KIF26B: variants seen among roughly 807,000 people sequenced by gnomAD.
The protein encoded by KIF26B is kinesin-like protein KIF26B.
In KIF26B, 63 loss-of-function variants were observed where a neutral mutation model predicts 151.2. That is an observed-to-expected ratio of 0.42 (90% CI 0.34 to 0.51). The LOEUF (loss-of-function observed/expected upper bound fraction) is 0.51, where lower values mean the gene tolerates loss of function less well. KIF26B is among the 20% of genes least tolerant of loss of function. The pLI, the probability that KIF26B is intolerant of heterozygous loss-of-function variation, is 0.07. For synonymous variants in KIF26B, 1,357 were observed against 1,262.1 expected (o/e 1.08, Z -1.59); for missense variants, 2,813 against 2,913.6 (o/e 0.97, Z 0.79).
intron 9 of KIF26B, among the ~76,000 whole-genome samples, chr1:245,614,229 C>CAG: frequency 6.6e-6 from 1 of 152,282 alleles, no homozygotes; most frequent in South Asian, 2.1e-4. Flanking sequence ...GGCTGGAGTA[C>CAG]AGTGGCGTGA....
chr1:245,343,009 C>T (rs6695555), intron 2 of KIF26B, among the ~76,000 whole-genome samples: 15,620 of 149,194 alleles, frequency 0.1, 1,910 homozygotes, highest in African/African-American at 0.29. Flanking sequence ...TTGCTTTAAG[C>T]TGGGAGGCGG....
At chr1:245,460,165 C>T (rs945633790) in intron 4 of KIF26B, among the ~76,000 whole-genome samples, 1 of 152,188 alleles carries the variant, frequency 6.6e-6, no homozygotes, top group African/African-American at 2.4e-5. Flanking sequence ...CAGGGTTTCA[C>T]CATGTTGGTC....
chr1:245,281,732 G>A lies in KIF26B; in HGVS notation c.466-85102G>A, dbSNP rs1671057628. Among the ~76,000 whole-genome samples, 3 of 151,240 alleles carry A rather than the reference G, an allele frequency of 2.0e-5. No individual in the cohort carries two copies. In the South Asian group the frequency reaches 6.3e-4, roughly 32 times the overall value. ...TAGGTTTTCTTCCAGGGTTTTTATGGTTTTAGGTCTAACGTTTAAGTCTTT... is the reference window on the plus strand; with the variant it reads ...TAGGTTTTCTTCCAGGGTTTTTATGATTTTAGGTCTAACGTTTAAGTCTTT... On this transcript the variant is annotated intron_variant, in intron 2 of 14. Transcript: ENST00000407071.
At chr1:245,303,482 G>A (rs1481339821) in intron 2 of KIF26B, among the ~76,000 whole-genome samples, 2 of 150,922 alleles carry the variant, frequency 1.3e-5, no homozygotes, top group East Asian at 1.9e-4. Flanking sequence ...ACAGGCGTAA[G>A]CCACCGCGCC....
intron 5 of KIF26B, among the ~76,000 whole-genome samples, chr1:245,589,911 G>A (rs2043267931): frequency 6.6e-6 from 1 of 152,208 alleles, no homozygotes; most frequent in Non-Finnish European, 1.5e-5. Context: ...TATTGATCAT[G>A]CAGTGAGCTG....
chr1:245,370,339 G>A (rs558305407), intron 3 of KIF26B, among the ~76,000 whole-genome samples: 1 of 151,902 alleles, frequency 6.6e-6, no homozygotes, highest in East Asian at 1.9e-4. Context: ...TCATTTATTA[G>A]GTTGGTGCAA....
intron 9 of KIF26B, among the ~76,000 whole-genome samples, chr1:245,645,697 CT>C (rs2043938552): frequency 6.6e-6 from 1 of 152,040 alleles, no homozygotes; most frequent in African/African-American, 2.4e-5. Context: ...AGGTTGGTTT[CT>C]GTATAACGAT....
chr1:245,643,237 T>G (rs1372056546), intron 9 of KIF26B, among the ~76,000 whole-genome samples: 2 of 152,236 alleles, frequency 1.3e-5, no homozygotes, highest in Non-Finnish European at 2.9e-5. Flanking sequence ...ATGGTTTGGT[T>G]CAAAATATTA....
chr1:245,525,329 C>T (rs1164750364), intron 4 of KIF26B, among the ~76,000 whole-genome samples: 9 of 152,102 alleles, frequency 5.9e-5, no homozygotes, highest in African/African-American at 9.7e-5. Flanking sequence ...CAGTCAGTCA[C>T]GTATTAGGAG....
intron 4 of KIF26B, among the ~76,000 whole-genome samples, chr1:245,464,472 T>TG (rs909434033): frequency 2.5e-4 from 37 of 147,022 alleles, no homozygotes; most frequent in African/African-American, 7.1e-4. Context: ...CGTGCGCGTG[T>TG]GGGGGTGTGT....
At chr1:245,628,669 C>A (rs1053264130) in intron 9 of KIF26B, among the ~76,000 whole-genome samples, 8 of 152,146 alleles carry the variant, frequency 5.3e-5, no homozygotes, top group African/African-American at 1.7e-4. Context: ...AAGCTGGAAG[C>A]ATTCCCTTTG....
intron 2 of KIF26B, among the ~76,000 whole-genome samples, chr1:245,322,273 C>A (rs191125441): frequency 1.8e-3 from 277 of 152,024 alleles, no homozygotes; most frequent in African/African-American, 6.0e-3. Flanking sequence ...CTAATGCATG[C>A]GGGGCTTAAA....
chr1:245,331,694 C>T (rs1453164770), intron 2 of KIF26B, among the ~76,000 whole-genome samples: 1 of 152,084 alleles, frequency 6.6e-6, no homozygotes, highest in Non-Finnish European at 1.5e-5. Flanking sequence ...GAGAGATAGC[C>T]CCTGTACAAT....
At chr1:245,641,376 T>C (rs2043890629) in intron 9 of KIF26B, among the ~76,000 whole-genome samples, 1 of 152,160 alleles carries the variant, frequency 6.6e-6, no homozygotes, top group Admixed American at 6.5e-5. Flanking sequence ...TTTATATTTT[T>C]CTCCAGGTTT....
At position 245,244,697 on chromosome 1, in the gene KIF26B, T is replaced by C. The variant is rs1316406734; in HGVS notation, c.465+88014T>C. On this transcript the variant is annotated intron_variant, in intron 2 of 14. Coordinates refer to ENST00000407071, the MANE Select transcript of KIF26B (RefSeq NM_018012.4). The surrounding 1 kb of genome is among the most constrained non-coding windows in gnomAD (Gnocchi z 4.2). The stretch of plus-strand genomic sequence containing the variant: ...ATACTGTTGTCTTAGGTGTTCCTTG[T>C]AACCAGACTTCAAACTATCTGAAAA... 6.6e-6 allele frequency among the ~76,000 whole-genome samples: 1 copy of C among 151,762 alleles called. No homozygotes were observed. Among genetic ancestry groups the C allele is most frequent in the Non-Finnish European group, 1.5e-5 (1 of 67,964 alleles).
rs556310357 is a variant in KIF26B at position 245,648,517 on chromosome 1, C to T, written c.2258+2237C>T. Among the ~76,000 whole-genome samples, 6 of 151,982 alleles carry T rather than the reference C, an allele frequency of 3.9e-5. No homozygotes were observed. The South Asian group carries it at 1.0e-3, about 26-fold the overall frequency. ...GGGCATGGTGTTGCATGGTTGTAGT[C>T]CCAGCTACTTGGGAGGCTGAGGTGG... is the stretch of plus-strand genomic sequence containing the variant. On this transcript the variant is annotated intron_variant, in intron 10 of 14. Transcript: ENST00000407071.
intron 2 of KIF26B, among the ~76,000 whole-genome samples, chr1:245,220,360 T>C (rs1277991407): frequency 1.3e-5 from 2 of 152,194 alleles, no homozygotes; most frequent in African/African-American, 2.4e-5. Flanking sequence ...ACTCCACTTT[T>C]CACCAGTGTC....
intron 2 of KIF26B, among the ~76,000 whole-genome samples, chr1:245,366,619 A>C (rs1368590656): frequency 6.6e-6 from 1 of 152,022 alleles, no homozygotes; most frequent in East Asian, 1.9e-4. Context: ...CTTCTTTTTG[A>C]AAGTTTTCAC....
chr1:245,607,887 T>C (rs750588679), intron 7 of KIF26B, 143 bp downstream of exon 7: 1 of 642,884 alleles, frequency 1.6e-6, no homozygotes, highest in South Asian at 2.1e-5. Context: ...AATAACAAGT[T>C]ATACGACGAA....
Sources: gnomAD v4.1 joint callset for allele counts (sites outside exome capture counted in the v4.1 genomes callset) on GRCh38, gnomAD v4.1.1 for gene constraint, Gnocchi (gnomAD v3.1) non-coding constraint, MANE v1.5 for transcripts, NCBI Gene and HGNC (gene_info 2026-07-23, HGNC 2026-07-21) for gene names.